Variants in ERCC6L2 observed in about 807,000 individuals in gnomAD.
ERCC6L2 encodes ERCC excision repair 6 like 2.
Under a neutral mutation model 132.0 loss-of-function variants are expected in ERCC6L2, and 77 were observed. The observed-to-expected ratio is 0.58, with a 90% CI of 0.49 to 0.71. ERCC6L2 has a LOEUF of 0.71. Among genes scored for constraint, ERCC6L2 ranks in the 30% least tolerant of loss-of-function variants. ERCC6L2 has a pLI of 0.00. For missense variants in ERCC6L2, 1,542 were observed against 1,837.6 expected (o/e 0.84, Z 2.94); for synonymous variants, 583 against 632.4 (o/e 0.92, Z 1.17).
chr9:95,980,109 G>C (rs1206226032), intron 17 of ERCC6L2, among the ~76,000 whole-genome samples: 1 of 152,138 alleles, frequency 6.6e-6, no homozygotes, highest in African/African-American at 2.4e-5. Flanking sequence ...CTTAAGCAAA[G>C]TTATAAAAAC....
rs979650404 is a variant in ERCC6L2, at chr9:96,017,407, C to T, written c.*4204C>T. 6.6e-6 allele frequency among the ~76,000 whole-genome samples: 1 copy of T among 152,206 alleles called. No homozygotes were observed. The highest frequency in any genetic ancestry group is 2.1e-4 in the South Asian group (1 of 4,820). ...CTGCCCCTAGGAGGAAAGACAGATT[C>T]GCCCTTCCTTCCCAAGTCCCAGGCT... On this transcript the variant is annotated 3_prime_UTR_variant, in exon 19 of 19. Transcript: ENST00000653738.
At chr9:95,984,667 C>T (rs1833029521) in intron 17 of ERCC6L2, among the ~76,000 whole-genome samples, 1 of 152,054 alleles carries the variant, frequency 6.6e-6, no homozygotes, top group South Asian at 2.1e-4. Flanking sequence ...AAACTCTGAA[C>T]TTTGAAATAG....
At chr9:95,977,325 A>C (rs1286892301) in intron 16 of ERCC6L2, among the ~76,000 whole-genome samples, 1 of 152,202 alleles carries the variant, frequency 6.6e-6, no homozygotes, top group Non-Finnish European at 1.5e-5. Flanking sequence ...CTGATTGAAG[A>C]GGTTCAGGAC....
intron 16 of ERCC6L2, among the ~76,000 whole-genome samples, chr9:95,976,840 G>A (rs1832692696): frequency 6.6e-6 from 1 of 152,128 alleles, no homozygotes; most frequent in Non-Finnish European, 1.5e-5. Flanking sequence ...TATGAAAGAA[G>A]CTGAGATATA....
intron 13 of ERCC6L2, among the ~76,000 whole-genome samples, chr9:95,965,731 C>T (rs1423757089): frequency 2.0e-5 from 3 of 152,060 alleles, no homozygotes; most frequent in Admixed American, 6.6e-5. Context: ...GCTCTGACTC[C>T]TCAAATCAAG....
At chr9:95,901,347 C>T (rs553660142) in intron 3 of ERCC6L2, among the ~76,000 whole-genome samples, 1 of 152,064 alleles carries the variant, frequency 6.6e-6, no homozygotes, top group African/African-American at 2.4e-5. Context: ...TAACACTCAC[C>T]ATAGAATTCT....
intron 12 of ERCC6L2, among the ~76,000 whole-genome samples, chr9:95,945,043 T>C (rs1354620737): frequency 6.6e-6 from 1 of 152,156 alleles, no homozygotes; most frequent in Non-Finnish European, 1.5e-5. Context: ...AGCAGACAAC[T>C]GGTCTGACCA....
intron 19 of ERCC6L2, among the ~76,000 whole-genome samples, chr9:96,032,131 G>A (rs574833880): frequency 1.3e-5 from 2 of 152,062 alleles, no homozygotes; most frequent in South Asian, 2.1e-4. Flanking sequence ...CCCCGGCCCC[G>A]CCACCTCACC....
chr9:95,889,112 C>T (rs1207309160), intron 2 of ERCC6L2, among the ~76,000 whole-genome samples: 3 of 152,080 alleles, frequency 2.0e-5, no homozygotes, highest in African/African-American at 2.4e-5. Flanking sequence ...CTAATCTATA[C>T]TTAGAGTTTA....
chr9:95,960,091 A>G (rs944178013), intron 13 of ERCC6L2, among the ~76,000 whole-genome samples: 1 of 152,128 alleles, frequency 6.6e-6, no homozygotes, highest in African/African-American at 2.4e-5. Context: ...GTCAAGTGAG[A>G]ACAATAAGTA....
intron 16 of ERCC6L2, among the ~76,000 whole-genome samples, chr9:95,973,628 CTTATTCGCT>C (rs1465932664): frequency 6.6e-6 from 1 of 152,024 alleles, no homozygotes; most frequent in African/African-American, 2.4e-5. Context: ...TCTCATGAGA[CTTATTCGCT>C]ATCATGAGAA....
In ERCC6L2 at chr9:95,907,208, G is replaced by A. The variant is rs200549063; in HGVS notation, c.725G>A (p.Arg242Lys). 6.2e-7 allele frequency: 1 copy of A among 1,613,264 alleles called. No homozygotes were observed. ...KDNELIRVKQ[R>K]KCEIALTTYE... ...AATGAATTAATTCGTGTAAAGCAGA[G>A]GAAATGTGAAATTGCTCTAACAACT... The change falls in exon 4 of 19, where the codon AGG (arginine) becomes AAG (lysine). Residue 242 changes from arginine (R) to lysine (K), a missense_variant. Physicochemically the swap from Arg to Lys is conservative, Grantham distance 26. This residue lies in a region of ERCC6L2 where 945 missense variants were observed against 1,105.2 expected (regional missense o/e 0.86). Coordinates refer to ENST00000653738, the MANE Select transcript of ERCC6L2 (RefSeq NM_020207.7).
intron 12 of ERCC6L2, among the ~76,000 whole-genome samples, chr9:95,954,200 T>C (rs763526018): frequency 2.6e-5 from 4 of 152,210 alleles, no homozygotes; most frequent in Non-Finnish European, 4.4e-5. Context: ...GCTTACACTT[T>C]TAATCAGCCT....
At chr9:95,974,722 T>TTG (rs139478214) in intron 16 of ERCC6L2, among the ~76,000 whole-genome samples, 53,395 of 149,626 alleles carry the variant, frequency 0.36, 9,353 homozygotes, top group East Asian at 0.4. Flanking sequence ...GTGGCCAGAT[T>TTG]TGTGTGTGTG....
At chr9:95,880,819 T>A in intron 1 of ERCC6L2, 50 bp from the exon 2 acceptor site, 1 of 1,497,870 alleles carries the variant, frequency 6.7e-7, no homozygotes. Context: ...ATAAATGAGG[T>A]GTTACTTTAT....
At chr9:95,895,945 CTTGATCTCCT>C (rs1183055844) in intron 2 of ERCC6L2, among the ~76,000 whole-genome samples, 2 of 152,130 alleles carry the variant, frequency 1.3e-5, no homozygotes, top group Non-Finnish European at 2.9e-5. Context: ...CCAGGATGGT[CTTGATCTCCT>C]GACCTCGTGA....
chr9:95,947,178 A>G (rs1445842555), intron 12 of ERCC6L2, among the ~76,000 whole-genome samples: 1 of 152,190 alleles, frequency 6.6e-6, no homozygotes, highest in Non-Finnish European at 1.5e-5. Flanking sequence ...TTGTGAATGC[A>G]AAGGAAAAGT....
chr9:95,881,143 A>C lies in ERCC6L2; in HGVS notation c.321A>C (p.Lys107Asn). 3 of 1,613,798 alleles carry C rather than the reference A, an allele frequency of 1.9e-6. No homozygotes were observed. Among genetic ancestry groups the C allele is most frequent in the Non-Finnish European group, 2.5e-6 (3 of 1,179,884 alleles). ...RKFPSSSVAF[K>N]LSDNGDSIPY... The stretch of plus-strand genomic sequence containing the variant: ...TTCCATCATCTTCTGTTGCTTTTAA[A>C]TTATCTGACAATGGAGACTCTATTC... The change falls in exon 2 of 19, where the codon AAA (lysine) becomes AAC (asparagine). Residue 107 changes from lysine to asparagine, a missense_variant. Lys to Asn is a moderately conservative substitution (Grantham distance 94, BLOSUM62 0). Transcript: ENST00000653738.
At chr9:95,955,652 T>C (rs113163373) in intron 12 of ERCC6L2, among the ~76,000 whole-genome samples, 4 of 148,880 alleles carry the variant, frequency 2.7e-5, no homozygotes, top group African/African-American at 1.0e-4. Context: ...TAGGAAATGT[T>C]TTTAGACAGT....
Sources: gnomAD v4.1 joint callset for allele counts (sites outside exome capture counted in the v4.1 genomes callset) on GRCh38, gnomAD v4.1.1 for gene constraint, gnomAD v4.1.1 regional missense constraint, MANE v1.5 for transcripts, NCBI Gene and HGNC (gene_info 2026-07-23, HGNC 2026-07-21) for gene names.